Variants in SKA2 observed in about 807,000 individuals in gnomAD.
The protein encoded by SKA2 is spindle and kinetochore-associated protein 2.
A neutral mutation model predicts 16.9 loss-of-function variants in SKA2; 13 were observed. That is an observed-to-expected ratio of 0.77 (90% confidence interval 0.50 to 1.22). The LOEUF (loss-of-function observed/expected upper bound fraction) is 1.22. SKA2 is among the 50% of genes most tolerant of loss of function. SKA2 has a pLI of 0.00. For missense variants in SKA2, 107 were observed against 139.7 expected (o/e 0.77, Z 1.18); for synonymous variants, 47 against 48.5 (o/e 0.97, Z 0.13).
intron 1 of SKA2, chr17:59,151,013 A>G: frequency 2.8e-6 from 1 of 351,482 alleles, no homozygotes. Flanking sequence ...TTTTCAAATT[A>G]TGACTTTCTA....
intron 3 of SKA2, among the ~76,000 whole-genome samples, chr17:59,116,164 A>G (rs6503896): frequency 0.64 from 97,037 of 151,922 alleles, 31,724 homozygotes; most frequent in African/African-American, 0.77. Flanking sequence ...TGCAGTCAGG[A>G]GTTCGAGACC....
At chr17:59,133,495 C>G (rs1054931673) in intron 1 of SKA2, among the ~76,000 whole-genome samples, 84 of 152,244 alleles carry the variant, frequency 5.5e-4, no homozygotes, top group African/African-American at 2.0e-3. Context: ...TTATTATGAA[C>G]TTTATCACTG....
At chr17:59,125,566 A>G (rs56360354) in intron 2 of SKA2, among the ~76,000 whole-genome samples, 95,997 of 150,228 alleles carry the variant, frequency 0.64, 31,368 homozygotes, top group African/African-American at 0.77. Flanking sequence ...CCAGGATAGT[A>G]GCGGGTACCT....
intron 1 of SKA2, among the ~76,000 whole-genome samples, chr17:59,132,351 C>T (rs926688101): frequency 4.9e-5 from 7 of 143,010 alleles, no homozygotes; most frequent in African/African-American, 1.3e-4. Flanking sequence ...AATGAAACTC[C>T]GTCTCCACAA....
chr17:59,151,294 G>A, intron 1 of SKA2: 1 of 438,366 alleles, frequency 2.3e-6, no homozygotes, highest in South Asian at 1.7e-5. Flanking sequence ...TTAAAGTAGG[G>A]TTGCCATTTT....
chr17:59,150,465 A>G lies in SKA2; in HGVS notation c.33+4666T>C, dbSNP rs566650433. ...AATTAAGATTTGGAGGACTAGGCAC[A>G]GTGGCTCACACCTATAATCCCAGCA... On this transcript the variant is annotated intron_variant, in intron 1 of 3. Coordinates refer to ENST00000330137, the MANE Select transcript of SKA2 (RefSeq NM_182620.4). Among the ~76,000 whole-genome samples, 12 of 152,310 alleles carry G rather than the reference A, an allele frequency of 7.9e-5. No homozygotes were observed. In the South Asian group the frequency reaches 2.5e-3, roughly 32 times the overall value.
At chr17:59,125,558 A>T (rs2046366358) in intron 2 of SKA2, among the ~76,000 whole-genome samples, 1 of 151,192 alleles carries the variant, frequency 6.6e-6, no homozygotes, top group Non-Finnish European at 1.5e-5. Flanking sequence ...AAAATTAGCC[A>T]GGATAGTAGC....
intron 2 of SKA2, among the ~76,000 whole-genome samples, chr17:59,120,919 G>A (rs1193349082): frequency 2.0e-5 from 3 of 152,088 alleles, no homozygotes; most frequent in Admixed American, 6.5e-5. Flanking sequence ...TTGGGAGGCC[G>A]AGGCGGGCAG....
chr17:59,140,283 G>A (rs2046477989), intron 1 of SKA2, among the ~76,000 whole-genome samples: 1 of 151,400 alleles, frequency 6.6e-6, no homozygotes. Context: ...AGGCTGAAGT[G>A]CAATGGCACG....
At chr17:59,121,160 A>AAAAAAAAAG (rs2046330871) in intron 2 of SKA2, among the ~76,000 whole-genome samples, 2 of 151,762 alleles carry the variant, frequency 1.3e-5, no homozygotes, top group Non-Finnish European at 2.9e-5. Context: ...TCAAAAAAAA[A>AAAAAAAAAG]AAAAAAAGAA....
chr17:59,121,785 C>T (rs1481998489), intron 2 of SKA2, among the ~76,000 whole-genome samples: 11 of 95,018 alleles, frequency 1.2e-4, no homozygotes, highest in Admixed American at 1.5e-4. Context: ...ACCGTCTCTA[C>T]GAAAATACAA....
intron 1 of SKA2, 168 bp downstream of exon 1, chr17:59,154,962 CG>C (rs768414988): frequency 1.9e-6 from 3 of 1,613,914 alleles, no homozygotes; most frequent in African/African-American, 2.7e-5. Context: ...TTACCCGAGG[CG>C]GTTTAGACAC....
At position 59,122,590 on chromosome 17, in the gene SKA2, G is replaced by A. The variant is rs371971719; in HGVS notation, c.121-3095C>T. Among the ~76,000 whole-genome samples, 10 of 152,134 alleles carry A rather than the reference G, an allele frequency of 6.6e-5. No homozygotes were observed. In the East Asian group the frequency reaches 7.7e-4, roughly 12 times the overall value. On this transcript the variant is annotated intron_variant, in intron 2 of 3. Transcript: ENST00000330137. ...GGTACCACTGCACTCCAGCCTGGGC[G>A]ACAGAGCAAGACTCCATCTCAAAAA...
intron 2 of SKA2, among the ~76,000 whole-genome samples, chr17:59,129,885 AT>A (rs2046399135): frequency 8.1e-6 from 1 of 123,144 alleles, no homozygotes; most frequent in Admixed American, 9.2e-5. Context: ...GAGAAGAAGG[AT>A]GGGAGGAAGG....
rs749248114 is a variant in SKA2 at position 59,119,357 on chromosome 17, T to A, written c.259A>T (p.Asn87Tyr). 23 of 1,613,864 alleles carry A rather than the reference T, an allele frequency of 1.4e-5. 1 individual carries two copies. In the South Asian group the frequency reaches 2.3e-4, roughly 16 times the overall value. Residue 87 changes from asparagine (N) to tyrosine (Y), a missense_variant, in exon 3 of 4, where the codon AAT (asparagine) becomes TAT (tyrosine). Physicochemically the swap from Asn to Tyr is moderately radical, Grantham distance 143. Coordinates refer to ENST00000330137, the MANE Select transcript of SKA2 (RefSeq NM_182620.4). ...RICATVKKTM[N>Y]MIQKLQKQTD... The stretch of plus-strand genomic sequence containing the variant: ...TGCTTCTGTAGTTTTTGTATCATAT[T>A]CATAGTCTTTTTCACAGTAGCACAA...
intron 1 of SKA2, among the ~76,000 whole-genome samples, chr17:59,143,206 CTTT>C (rs2046505999): frequency 6.6e-6 from 1 of 151,308 alleles, no homozygotes; most frequent in South Asian, 2.1e-4. Context: ...TTATCCAAAA[CTTT>C]TTTCTTTTTT....
chr17:59,114,292 T>C (rs1420884984), intron 3 of SKA2, among the ~76,000 whole-genome samples: 1 of 152,210 alleles, frequency 6.6e-6, no homozygotes, highest in Middle Eastern at 3.2e-3. Context: ...AAAGTCAGTA[T>C]AGTCATGTGT....
chr17:59,140,292 C>T (rs1349908244), intron 1 of SKA2, among the ~76,000 whole-genome samples: 2 of 151,730 alleles, frequency 1.3e-5, no homozygotes, highest in Non-Finnish European at 2.9e-5. Flanking sequence ...TGCAATGGCA[C>T]GATCTCAGCT....
intron 1 of SKA2, 63 bp downstream of exon 1, chr17:59,155,068 C>T: frequency 6.2e-7 from 1 of 1,614,020 alleles, no homozygotes; most frequent in Non-Finnish European, 8.5e-7. Flanking sequence ...AAATTGTGCC[C>T]CACCTCCGAG....
Sources: gnomAD v4.1 joint callset for allele counts (sites outside exome capture counted in the v4.1 genomes callset) on GRCh38, gnomAD v4.1.1 for gene constraint, MANE v1.5 for transcripts, NCBI Gene and HGNC (gene_info 2026-07-23, HGNC 2026-07-21) for gene names.